MRTFB: variants seen among roughly 807,000 people sequenced by gnomAD.
The protein encoded by MRTFB is myocardin-related transcription factor B.
In MRTFB, 29 loss-of-function variants were observed where a neutral mutation model predicts 104.2. The ratio of observed to expected loss-of-function variants is 0.28; its 90% CI spans 0.21 to 0.38. MRTFB has a LOEUF of 0.38. MRTFB is among the 10% of genes least tolerant of loss of function. The probability of loss-of-function intolerance (pLI) is 1.00; values close to 1 mark genes in which losing one functional copy is unlikely to be tolerated. For missense variants in MRTFB, 1,270 were observed against 1,341.6 expected (o/e 0.95, Z 0.83); for synonymous variants, 535 against 519.5 (o/e 1.03, Z -0.41).
Position 14,246,489 on chromosome 16 carries a change from CAG to C in MRTFB, c.1231_1232del (p.Glu411ThrfsTer17). The C allele has an allele frequency of 6.2e-7, 1 of 1,614,058 alleles. No individual in the cohort carries two copies. The highest frequency in any genetic ancestry group is 8.5e-7 in the Non-Finnish European group (1 of 1,179,958). ...TACCTCCAGGTATCAGAACTGAAGA[CAG>C]AACTGAAGTTAAGGGGTCTGCCAGT... is the stretch of plus-strand genomic sequence containing the variant. On this transcript the variant is annotated frameshift_variant, in exon 12 of 17. Coordinates refer to ENST00000571589, the MANE Select transcript of MRTFB (RefSeq NM_001308142.2). LOFTEE classifies it high-confidence loss of function.
chr16:14,010,914 G>T, the MRTFB span, among the ~76,000 whole-genome samples: 1 of 152,198 alleles, frequency 6.6e-6, no homozygotes. Flanking sequence ...GAACATTTCT[G>T]TTACCACAGA....
At chr16:14,190,982 A>T (rs554471515) in intron 3 of MRTFB, among the ~76,000 whole-genome samples, 1 of 152,350 alleles carries the variant, frequency 6.6e-6, no homozygotes, top group African/African-American at 2.4e-5. Context: ...CTGTACTGGG[A>T]TGTGTCTATA....
chr16:14,152,213 CTAAAT>C (rs1244515750), intron 3 of MRTFB: 9 of 151,984 alleles, frequency 5.9e-5, no homozygotes, highest in Non-Finnish European at 1.3e-4. Flanking sequence ...AATCACATCT[CTAAAT>C]TAAGTTTTTT....
chr16:14,226,099 A>G (rs927293083), intron 8 of MRTFB, among the ~76,000 whole-genome samples: 4 of 152,218 alleles, frequency 2.6e-5, no homozygotes, highest in Admixed American at 6.5e-5. Context: ...AGCATCAAAC[A>G]CAGACATCCT....
chr16:14,196,550 T>G (rs1463613337), intron 3 of MRTFB, among the ~76,000 whole-genome samples: 2 of 152,250 alleles, frequency 1.3e-5, no homozygotes, highest in Non-Finnish European at 2.9e-5. Context: ...TTCCACTTGG[T>G]CTAGAGCCTA....
At chr16:14,056,374 T>C in the MRTFB span, among the ~76,000 whole-genome samples, 1 of 152,274 alleles carries the variant, frequency 6.6e-6, no homozygotes, top group East Asian at 1.9e-4. Flanking sequence ...CTTCCTTTCT[T>C]ATTATTATGG....
At position 14,261,032 on chromosome 16, in the gene MRTFB, C is replaced by T. The variant is rs1251836982; in HGVS notation, c.2888C>T (p.Ala963Val). 4 of 1,614,212 alleles carry T rather than the reference C, an allele frequency of 2.5e-6. No homozygotes were observed. Among genetic ancestry groups the T allele is most frequent in the Non-Finnish European group, 3.4e-6 (4 of 1,180,046 alleles). ...CGGCCACCACCCCAAGTCCAAATGG[C>T]ACCACCTGTATCTTTAGAACCTATG... ...VSRPPPQVQM[A>V]PPVSLEPMGS... Residue 963 changes from alanine (A) to valine (V), a missense_variant, in exon 17 of 17, where the codon GCA (alanine) becomes GTA (valine). Transcript: ENST00000571589.
At chr16:14,029,416 AAAAATATAT>A in the MRTFB span, among the ~76,000 whole-genome samples, 2 of 66,134 alleles carry the variant, frequency 3.0e-5, no homozygotes, top group African/African-American at 7.9e-5. Context: ...AAAAAAAAAA[AAAAATATAT>A]ATATATATAT....
the MRTFB span, chr16:14,018,757 C>G: frequency 6.6e-6 from 1 of 152,138 alleles, no homozygotes; most frequent in Admixed American, 6.6e-5. Flanking sequence ...TCCCTTAAGG[C>G]CAATAAATCA....
intron 2 of MRTFB, among the ~76,000 whole-genome samples, chr16:14,112,907 C>A (rs1395804151): frequency 6.6e-6 from 1 of 152,210 alleles, no homozygotes; most frequent in African/African-American, 2.4e-5. Flanking sequence ...GCAGTTACAA[C>A]CCCTTTTCCT....
At chr16:14,241,777 A>G (rs992247315) in intron 10 of MRTFB, among the ~76,000 whole-genome samples, 10 of 152,084 alleles carry the variant, frequency 6.6e-5, no homozygotes, top group Non-Finnish European at 1.5e-4. Flanking sequence ...TGAAGAGAGA[A>G]AGAACTTTGT....
the MRTFB span, chr16:14,015,905 C>T: frequency 6.2e-4 from 246 of 398,628 alleles, no homozygotes; most frequent in African/African-American, 4.4e-3. Context: ...CTTTTCTCTC[C>T]GGGTCTCCTC....
chr16:14,001,266 C>T, the MRTFB span, among the ~76,000 whole-genome samples: 3 of 152,198 alleles, frequency 2.0e-5, no homozygotes, highest in East Asian at 3.9e-4. Context: ...AGCCTAGCTT[C>T]GGGCACAGCT....
At chr16:14,247,585 T>G in intron 12 of MRTFB, 78 bp downstream of exon 12, 3 of 1,334,718 alleles carry the variant, frequency 2.2e-6, no homozygotes, top group Non-Finnish European at 3.0e-6. Flanking sequence ...GCACCATACC[T>G]GAGCTCTTCC....
At chr16:13,997,197 T>TG in the MRTFB span, among the ~76,000 whole-genome samples, 5 of 152,120 alleles carry the variant, frequency 3.3e-5, no homozygotes, top group Non-Finnish European at 5.9e-5. Flanking sequence ...CACGCAGACA[T>TG]GGGGGGCATC....
intron 2 of MRTFB, among the ~76,000 whole-genome samples, chr16:14,119,288 T>C (rs540167947): frequency 1.8e-4 from 27 of 152,320 alleles, no homozygotes; most frequent in African/African-American, 5.8e-4. Context: ...TTGGTCTTAT[T>C]TGAATATAGT....
chr16:14,046,405 C>T, the MRTFB span, among the ~76,000 whole-genome samples: 1 of 152,154 alleles, frequency 6.6e-6, no homozygotes, highest in Non-Finnish European at 1.5e-5. Flanking sequence ...CCCCCTACAA[C>T]AAATGTTGAA....
intron 3 of MRTFB, chr16:14,143,883 A>G (rs771442398): frequency 1.3e-5 from 2 of 152,204 alleles, no homozygotes; most frequent in Non-Finnish European, 2.9e-5. Flanking sequence ...ACCTAGTGAA[A>G]AGGAGGTTAC....
chr16:14,168,324 G>T (rs1349476572), intron 3 of MRTFB, among the ~76,000 whole-genome samples: 1 of 151,998 alleles, frequency 6.6e-6, no homozygotes, highest in Non-Finnish European at 1.5e-5. Flanking sequence ...ATGCCTAAGT[G>T]CCCGAAACAT....
Sources: gnomAD v4.1 joint callset for allele counts (sites outside exome capture counted in the v4.1 genomes callset) on GRCh38, gnomAD v4.1.1 for gene constraint, MANE v1.5 for transcripts, NCBI Gene and HGNC (gene_info 2026-07-23, HGNC 2026-07-21) for gene names.